The following SLC14A2 variants were observed in gnomAD, a reference collection of about 807,000 sequenced individuals.
The protein encoded by SLC14A2 is solute carrier family 14 member 2.
A neutral mutation model predicts 104.6 loss-of-function variants in SLC14A2; 91 were observed. The observed-to-expected ratio is 0.87, with a 90% CI of 0.73 to 1.04. The LOEUF (loss-of-function observed/expected upper bound fraction) is 1.04. Among genes scored for constraint, SLC14A2 ranks in the 50% least tolerant of loss-of-function variants. The pLI, the probability that SLC14A2 is intolerant of heterozygous loss-of-function variation, is 0.00. For synonymous variants in SLC14A2, 476 were observed against 466.4 expected (o/e 1.02, Z -0.27); for missense variants, 1,189 against 1,156.0 (o/e 1.03, Z -0.41).
At chr18:45,581,133 G>C (rs1473752623) in intron 2 of SLC14A2, among the ~76,000 whole-genome samples, 1 of 152,186 alleles carries the variant, frequency 6.6e-6, no homozygotes, top group Non-Finnish European at 1.5e-5. Context: ...GGTGGAGTGA[G>C]GGTATATGGG....
chr18:45,349,633 A>G (rs1340689743), intron 1 of SLC14A2, among the ~76,000 whole-genome samples: 1 of 152,208 alleles, frequency 6.6e-6, no homozygotes, highest in Admixed American at 6.5e-5. Flanking sequence ...CAGTGAATGC[A>G]GCAGGAATGG....
chr18:45,280,591 GAGA>G (rs1380420680), intron 1 of SLC14A2, among the ~76,000 whole-genome samples: 1 of 152,106 alleles, frequency 6.6e-6, no homozygotes, highest in Non-Finnish European at 1.5e-5. Context: ...CAGGTCCTGG[GAGA>G]AGGACTCTTT....
At chr18:45,480,115 A>C (rs1420502395) in intron 1 of SLC14A2, among the ~76,000 whole-genome samples, 1 of 152,150 alleles carries the variant, frequency 6.6e-6, no homozygotes, top group Non-Finnish European at 1.5e-5. Context: ...CAAAACAAAA[A>C]GTATGTCTCA....
intron 1 of SLC14A2, among the ~76,000 whole-genome samples, chr18:45,249,788 AAAATT>A (rs892136159): frequency 7.9e-5 from 12 of 152,244 alleles, no homozygotes; most frequent in African/African-American, 2.9e-4. Flanking sequence ...TGTCTCTACT[AAAATT>A]AAAAAATTAG....
At chr18:45,539,175 G>GCAGGGATTCAAGTGGGAATT (rs1555702908) in intron 2 of SLC14A2, among the ~76,000 whole-genome samples, 1 of 150,588 alleles carries the variant, frequency 6.6e-6, no homozygotes, top group African/African-American at 2.4e-5. Context: ...CTAGGTGGAT[G>GCAGGGATTCAAGTGGGAATT]CAGGGATTCA....
intron 2 of SLC14A2, among the ~76,000 whole-genome samples, chr18:45,579,035 G>A (rs950869909): frequency 1.3e-5 from 2 of 152,152 alleles, no homozygotes; most frequent in African/African-American, 4.8e-5. Context: ...CATTCTTCAG[G>A]AGGCTGGCCC....
At chr18:45,184,032 G>A in the SLC14A2 span, among the ~76,000 whole-genome samples, 4 of 145,766 alleles carry the variant, frequency 2.7e-5, no homozygotes, top group Non-Finnish European at 4.5e-5. Flanking sequence ...GAGATTACAG[G>A]CATGAGCCAC....
chr18:45,586,971 A>T (rs2044575183), intron 2 of SLC14A2, among the ~76,000 whole-genome samples: 1 of 152,086 alleles, frequency 6.6e-6, no homozygotes, highest in African/African-American at 2.4e-5. Context: ...AGAAAAAAAA[A>T]AGTTTATTCT....
intron 1 of SLC14A2, among the ~76,000 whole-genome samples, chr18:45,247,030 C>T (rs1455372869): frequency 1.3e-5 from 2 of 152,138 alleles, no homozygotes; most frequent in Non-Finnish European, 2.9e-5. Flanking sequence ...GACAGGAAAA[C>T]ACCCATGATA....
At chr18:45,339,965 G>A (rs1262062687) in intron 1 of SLC14A2, among the ~76,000 whole-genome samples, 3 of 152,224 alleles carry the variant, frequency 2.0e-5, no homozygotes, top group African/African-American at 4.8e-5. Context: ...AAAACGTGAA[G>A]AAGCTGATGA....
chr18:45,532,504 T>C (rs2043710585), intron 2 of SLC14A2, among the ~76,000 whole-genome samples: 1 of 139,702 alleles, frequency 7.2e-6, no homozygotes. Context: ...TGTTTGTCTG[T>C]TATTGGTGTA....
chr18:45,365,478 C>T (rs2085657134), intron 1 of SLC14A2, among the ~76,000 whole-genome samples: 1 of 152,234 alleles, frequency 6.6e-6, no homozygotes, highest in South Asian at 2.1e-4. Flanking sequence ...ACAAAACAGG[C>T]ATGTGTGCCT....
chr18:45,561,380 CA>C (rs1311679500), intron 2 of SLC14A2, among the ~76,000 whole-genome samples: 2 of 152,160 alleles, frequency 1.3e-5, no homozygotes, highest in African/African-American at 4.8e-5. Flanking sequence ...AAGAGAGTGA[CA>C]GCAAAACAAG....
At chr18:45,589,811 A>G (rs1316128463) in intron 2 of SLC14A2, among the ~76,000 whole-genome samples, 3 of 152,192 alleles carry the variant, frequency 2.0e-5, no homozygotes, top group African/African-American at 7.2e-5. Context: ...TTGCTGAAGA[A>G]GAGGGAAGTG....
At chr18:45,250,580 C>T (rs898657310) in intron 1 of SLC14A2, among the ~76,000 whole-genome samples, 1 of 151,970 alleles carries the variant, frequency 6.6e-6, no homozygotes, top group African/African-American at 2.4e-5. Context: ...AACATCCTTC[C>T]CATTGCCCTT....
At chr18:45,243,666 G>A (rs1241669687) in intron 1 of SLC14A2, among the ~76,000 whole-genome samples, 4 of 152,190 alleles carry the variant, frequency 2.6e-5, no homozygotes, top group East Asian at 1.9e-4. Flanking sequence ...GGATCAAGAA[G>A]GAATGTTGTT....
At chr18:45,183,120 G>GGT in the SLC14A2 span, among the ~76,000 whole-genome samples, 1 of 152,128 alleles carries the variant, frequency 6.6e-6, no homozygotes, top group African/African-American at 2.4e-5. Flanking sequence ...TGATGATGAG[G>GGT]GTACTGTTTG....
chr18:45,197,325 T>C, the SLC14A2 span, among the ~76,000 whole-genome samples: 2 of 152,210 alleles, frequency 1.3e-5, no homozygotes, highest in African/African-American at 4.8e-5. Context: ...GAGAGCTGCA[T>C]GATACATAAA....
intron 1 of SLC14A2, among the ~76,000 whole-genome samples, chr18:45,481,769 A>G (rs962322706): frequency 6.6e-6 from 1 of 152,232 alleles, no homozygotes. Flanking sequence ...CGTGAAGACT[A>G]TGAGTATCAC....
Sources: allele counts gnomAD v4.1 joint callset (sites outside exome capture counted in the v4.1 genomes callset), GRCh38; gene constraint gnomAD v4.1.1; transcripts MANE v1.5; gene names NCBI Gene and HGNC (gene_info 2026-07-23, HGNC 2026-07-21).